The following RPL26 variants were observed in gnomAD, a reference collection of about 807,000 sequenced individuals.
The protein encoded by RPL26 is ribosomal protein L26, also known as large ribosomal subunit protein uL24.
RPL26 carries 1 observed loss-of-function variant against 16.2 expected under a neutral mutation model. That is an observed-to-expected ratio of 0.06 (90% confidence interval 0.02 to 0.29). The LOEUF (loss-of-function observed/expected upper bound fraction) is 0.29, where lower values mean the gene tolerates loss of function less well. RPL26 is among the 10% of genes least tolerant of loss of function. The probability of loss-of-function intolerance (pLI) is 1.00; values close to 1 mark genes in which losing one functional copy is unlikely to be tolerated. For missense variants in RPL26, 102 were observed against 184.3 expected, an observed-to-expected ratio of 0.55 and a Z score of 2.58; for synonymous variants, 55 against 62.4, an observed-to-expected ratio of 0.88 and a Z score of 0.56.
intron 3 of RPL26, chr17:8,379,572 AAAAACAAAC>A: frequency 5.1e-6 from 3 of 582,924 alleles, no homozygotes; most frequent in Non-Finnish European, 9.0e-6. Flanking sequence ...AGACTGTCTC[AAAAACAAAC>A]TAACAGAAAC....
At chr17:8,380,492 C>G (rs1443191469) in intron 2 of RPL26, 2 of 152,682 alleles carry the variant, frequency 1.3e-5, no homozygotes, top group African/African-American at 4.8e-5. Flanking sequence ...GCTTTAGAGA[C>G]TGCCTGAATT....
intron 2 of RPL26, chr17:8,380,914 G>C (rs1907378841): frequency 6.6e-6 from 1 of 152,244 alleles, no homozygotes; most frequent in Non-Finnish European, 1.5e-5. Flanking sequence ...CTGGGTACCA[G>C]ACTGCCTTTG....
chr17:8,383,047 C>T (rs1907502096), intron 1 of RPL26, 110 bp downstream of exon 1: 2 of 398,522 alleles, frequency 5.0e-6, no homozygotes, highest in South Asian at 2.5e-4. Flanking sequence ...TCTCTCCTTC[C>T]TGGCTGCTAC....
At chr17:8,377,886 A>G (rs565953799) in intron 3 of RPL26, among the ~76,000 whole-genome samples, 194 bp from the exon 4 acceptor site, 1 of 152,326 alleles carries the variant, frequency 6.6e-6, no homozygotes, top group South Asian at 2.1e-4. Context: ...TTTCCTACCA[A>G]CAAAGGAGAA....
intron 3 of RPL26, among the ~76,000 whole-genome samples, chr17:8,378,468 G>A (rs1049927647): frequency 3.3e-5 from 5 of 152,070 alleles, no homozygotes; most frequent in Admixed American, 6.6e-5. Context: ...TTCCAGGCTG[G>A]GCGACAAGAG....
At chr17:8,378,287 G>GC (rs1907247184) in intron 3 of RPL26, among the ~76,000 whole-genome samples, 1 of 152,098 alleles carries the variant, frequency 6.6e-6, no homozygotes, top group Non-Finnish European at 1.5e-5. Flanking sequence ...GAGCTGAGAT[G>GC]GTGCTATTAT....
At chr17:8,379,409 A>G (rs1209071732) in intron 3 of RPL26, 4 of 225,168 alleles carry the variant, frequency 1.8e-5, no homozygotes, top group Non-Finnish European at 3.5e-5. Flanking sequence ...ACTTTGTACT[A>G]AGAAGTACAA....
intron 3 of RPL26, among the ~76,000 whole-genome samples, chr17:8,378,893 A>T (rs12940382): frequency 0.35 from 52,986 of 152,062 alleles, 9,850 homozygotes; most frequent in Admixed American, 0.46. Flanking sequence ...TTGAACAGAG[A>T]CCTAAAGTGG....
intron 3 of RPL26, among the ~76,000 whole-genome samples, chr17:8,378,708 GT>G (rs1202078444): frequency 6.6e-6 from 1 of 152,154 alleles, no homozygotes; most frequent in African/African-American, 2.4e-5. Context: ...GTGAAAAGAG[GT>G]GCTGGAAATA....
intron 1 of RPL26, 162 bp downstream of exon 1, chr17:8,382,995 G>A (rs1907498278): frequency 2.5e-6 from 1 of 398,564 alleles, no homozygotes; most frequent in Non-Finnish European, 4.4e-6. Context: ...CCGGCCCGGC[G>A]GCCCTTGATT....
chr17:8,382,106 AT>A (rs779148630), intron 2 of RPL26, 36 bp downstream of exon 2: 24 of 1,571,508 alleles, frequency 1.5e-5, no homozygotes, highest in Non-Finnish European at 2.1e-5. Context: ...TGCGTAAAAT[AT>A]CCATCAAGAC....
chr17:8,382,382 C>T (rs776149650), intron 1 of RPL26, 67 bp from the exon 2 acceptor site: 35 of 1,153,246 alleles, frequency 3.0e-5, no homozygotes, highest in Non-Finnish European at 4.2e-5. Flanking sequence ...CAAATAACCG[C>T]AATGATTTTA....
At chr17:8,382,860 A>G (rs1907489459) in intron 1 of RPL26, 1 of 393,966 alleles carries the variant, frequency 2.5e-6, no homozygotes, top group African/African-American at 2.1e-5. Flanking sequence ...TGAAGACTTT[A>G]CCGAGAAGTT....
chr17:8,379,466 C>T, intron 3 of RPL26: 1 of 445,050 alleles, frequency 2.2e-6, no homozygotes, highest in East Asian at 3.8e-5. Flanking sequence ...CAGCTACACT[C>T]AGGAGGCTGA....
At position 8,382,319 on chromosome 17, in the gene RPL26, A is replaced by G. The variant is rs557309221; in HGVS notation, c.-5-4T>C. 2.4e-5 allele frequency: 39 copies of G among 1,606,020 alleles called. No individual in the cohort carries two copies. The South Asian group carries it at 3.7e-4, about 15-fold the overall frequency. ...AAGGGATTAAACTTCATTTTGGCTA[A>G]ATAAAAAGTTAAAAAGACTCTTAAA... On this transcript the variant is annotated splice_region_variant and splice_polypyrimidine_tract_variant and intron_variant, in intron 1 of 3. Coordinates refer to ENST00000648839, the MANE Select transcript of RPL26 (RefSeq NM_000987.5).
chr17:8,381,787 G>A (rs1907425842), intron 2 of RPL26: 1 of 218,974 alleles, frequency 4.6e-6, no homozygotes, highest in Non-Finnish European at 9.1e-6. Flanking sequence ...AATTAGCCGA[G>A]CCGTGGTGGC....
chr17:8,382,388 T>C lies in RPL26; in HGVS notation c.-5-73A>G, dbSNP rs144156996. ...GCTTCCAAACAAATAACCGCAATGA[T>C]TTTATCTTGATAGTCTAGAATGATC... is the stretch of plus-strand genomic sequence containing the variant. On this transcript the variant is annotated intron_variant, in intron 1 of 3. Transcript: ENST00000648839. 174 of 1,101,408 alleles carry C rather than the reference T, an allele frequency of 1.6e-4. No individual in the cohort carries two copies. The East Asian group carries it at 4.0e-3, about 25-fold the overall frequency. The allele number at this position is 1,101,408 out of a possible 1,614,324, so 68.2% of individuals were successfully genotyped here.
At chr17:8,380,287 C>T (rs1037736380) in intron 2 of RPL26, among the ~76,000 whole-genome samples, 1 of 152,242 alleles carries the variant, frequency 6.6e-6, no homozygotes, top group African/African-American at 2.4e-5. Context: ...TGAACAGATT[C>T]TTCTTCCCAG....
intron 1 of RPL26, 180 bp downstream of exon 1, chr17:8,382,977 A>G: frequency 2.5e-6 from 1 of 398,534 alleles, no homozygotes; most frequent in Non-Finnish European, 4.4e-6. Flanking sequence ...CGGTCCCTCC[A>G]TCCATCTCCG....
Sources: gnomAD v4.1 joint callset for allele counts (sites outside exome capture counted in the v4.1 genomes callset) on GRCh38, gnomAD v4.1.1 for gene constraint, MANE v1.5 for transcripts, NCBI Gene and HGNC (gene_info 2026-07-23, HGNC 2026-07-21) for gene names.